Variants in TET3 observed in about 807,000 individuals in gnomAD.
TET3 encodes tet methylcytosine dioxygenase 3, also known as methylcytosine dioxygenase TET3.
In TET3, 19 loss-of-function variants were observed where a neutral mutation model predicts 141.4. The ratio of observed to expected loss-of-function variants is 0.13; its 90% CI spans 0.09 to 0.20. TET3 has a LOEUF of 0.20. Among genes scored for constraint, TET3 ranks in the 10% least tolerant of loss-of-function variants. The probability of loss-of-function intolerance (pLI) is 1.00; values close to 1 mark genes in which losing one functional copy is unlikely to be tolerated. For synonymous variants in TET3, 1,043 were observed against 980.9 expected (o/e 1.06, Z -1.18); for missense variants, 1,874 against 2,356.9 (o/e 0.80, Z 4.24).
intron 4 of TET3, among the ~76,000 whole-genome samples, chr2:74,063,076 G>T (rs1688684749): frequency 6.6e-6 from 1 of 151,814 alleles, no homozygotes; most frequent in African/African-American, 2.4e-5. Context: ...CAGAGATGAG[G>T]TTTCACCATG....
intron 4 of TET3, among the ~76,000 whole-genome samples, chr2:74,067,803 T>C (rs1254891693): frequency 6.6e-6 from 1 of 152,226 alleles, no homozygotes. Flanking sequence ...TTACATGGGA[T>C]ACCGAGTGGT....
the TET3 span, among the ~76,000 whole-genome samples, chr2:74,124,640 C>G: frequency 6.6e-6 from 1 of 152,168 alleles, no homozygotes; most frequent in African/African-American, 2.4e-5. Flanking sequence ...ACCCCGTGCT[C>G]TCTGAAACAT....
Position 74,101,334 on chromosome 2 carries a change from T to G in TET3, c.4546T>G (p.Cys1516Gly). 1 of 1,613,790 alleles carries G rather than the reference T, an allele frequency of 6.2e-7. No individual in the cohort carries two copies. The highest frequency in any genetic ancestry group is 2.2e-5 in the East Asian group (1 of 44,874). Residue 1516 changes from cysteine to glycine, a missense_variant, in exon 12 of 12, where the codon TGC (cysteine) becomes GGC (glycine). Physicochemically the swap from Cys to Gly is radical, Grantham distance 159. Coordinates refer to ENST00000409262, the MANE Select transcript of TET3 (RefSeq NM_001287491.2). This position sits in a 1 kb window ranked among gnomAD's most constrained non-coding sequence, Gnocchi z 8.5. ...GCTGCGAGGCAAACCGTGGAGCCCCTGCAAGTTTGGGAACAGCACCTCGGC... is the reference window on the plus strand; with the variant it reads ...GCTGCGAGGCAAACCGTGGAGCCCCGGCAAGTTTGGGAACAGCACCTCGGC... ...GRLRGKPWSP[C>G]KFGNSTSALA...
chr2:74,110,024 TA>T (rs1270498145), downstream of TET3, among the ~76,000 whole-genome samples: 6 of 152,040 alleles, frequency 3.9e-5, no homozygotes, highest in African/African-American at 1.4e-4. Flanking sequence ...GATATAAGGA[TA>T]AAAAAATTGC....
rs1012120657 is a variant in TET3, at chr2:73,986,423, C to A, written c.20C>A (p.Pro7His). 2 of 1,232,074 alleles carry A rather than the reference C, an allele frequency of 1.6e-6. No homozygotes were observed. Among genetic ancestry groups the A allele is most frequent in the Non-Finnish European group, 2.0e-6 (2 of 988,082 alleles). The allele number at this position is 1,232,074 out of a possible 1,614,324, so 76.3% of individuals were successfully genotyped here. ...AGCATCATGAGCCAGTTTCAGGTGC[C>A]CCTGGCCGTCCAGCCGGACCTGCCA... is the stretch of plus-strand genomic sequence containing the variant. The part of the protein sequence containing the change: MSQFQV[P>H]LAVQPDLPGL... The change falls in exon 2 of 12, where the codon CCC becomes CAC. Residue 7 changes from proline (P) to histidine (H), a missense_variant. By Grantham distance (77) the Pro-to-His change is moderately conservative (BLOSUM62 -2). Transcript: ENST00000409262.
rs1688350760 is a variant in TET3 at position 74,058,877 on chromosome 2, CAGTT to C, written c.2494+10467_2494+10470del. Among the ~76,000 whole-genome samples the C allele has an allele frequency of 2.0e-5, 3 of 152,264 alleles. No homozygotes were observed. The South Asian group carries it at 6.2e-4, about 32-fold the overall frequency. On this transcript the variant is annotated intron_variant, in intron 4 of 11. Transcript: ENST00000409262. The stretch of plus-strand genomic sequence containing the variant: ...TTTTTAAATGGTTGAAAAAAAAAGT[CAGTT>C]GAAGAATAACATTTCACGACTCATG...
chr2:74,003,315 G>C, intron 3 of TET3, 149 bp downstream of exon 3: 3 of 977,258 alleles, frequency 3.1e-6, no homozygotes, highest in South Asian at 1.8e-5. Flanking sequence ...GGGGCGGCGG[G>C]GGTGTGGGCG....
chr2:74,070,500 G>A (rs1338474978), intron 4 of TET3, among the ~76,000 whole-genome samples: 1 of 152,214 alleles, frequency 6.6e-6, no homozygotes, highest in Non-Finnish European at 1.5e-5. Context: ...TGGGGACACA[G>A]CTAGACCATA....
intron 10 of TET3, among the ~76,000 whole-genome samples, chr2:74,095,090 A>G (rs1440325346): frequency 6.6e-6 from 1 of 152,136 alleles, no homozygotes; most frequent in Non-Finnish European, 1.5e-5. Flanking sequence ...TTCTGGGCAG[A>G]CAGGGCTTCC....
At chr2:73,989,720 G>C (rs1172903792) in intron 2 of TET3, among the ~76,000 whole-genome samples, 1 of 152,188 alleles carries the variant, frequency 6.6e-6, no homozygotes, top group African/African-American at 2.4e-5. Context: ...GTTCCAGGAA[G>C]ACTTTAGAGG....
In TET3 at chr2:74,089,951, C is replaced by T; in HGVS notation, c.2943C>T (p.Ser981=). The T allele has an allele frequency of 6.2e-7, 1 of 1,614,084 alleles. No individual in the cohort carries two copies. Among genetic ancestry groups the T allele is most frequent in the Non-Finnish European group, 8.5e-7 (1 of 1,179,906 alleles). Residue 981 remains serine (S), a synonymous_variant, in exon 8 of 12, where the codon TCC becomes TCT. Coordinates refer to ENST00000409262, the MANE Select transcript of TET3 (RefSeq NM_001287491.2). ...KDPNTCGASF[S]FGCSWSMYFN... ...CCAACACCTGTGGTGCCTCCTTCTC[C>T]TTTGGTTGTTCCTGGAGCATGTACT...
Position 73,986,582 on chromosome 2 carries a change from G to A in TET3, c.179G>A (p.Cys60Tyr). The change falls in exon 2 of 12, where the codon TGT becomes TAT. Residue 60 changes from cysteine to tyrosine, a missense_variant. Cys to Tyr is a radical substitution (Grantham distance 194). Coordinates refer to ENST00000409262, the MANE Select transcript of TET3 (RefSeq NM_001287491.2). ...GRKKRKRCGT[C>Y]EPCRRLENCG... ...AAGAAACGGAAACGGTGTGGTACTT[G>A]TGAGCCCTGCCGGCGGCTGGAAAAC... 1 of 1,232,222 alleles carries A rather than the reference G, an allele frequency of 8.1e-7. No individual in the cohort carries two copies. Among genetic ancestry groups the A allele is most frequent in the Non-Finnish European group, 1.0e-6 (1 of 988,020 alleles). The allele number at this position is 1,232,222 out of a possible 1,614,324, so 76.3% of individuals were successfully genotyped here. A position where few individuals can be genotyped will look rare whatever the true frequency, so the allele number is the denominator to read the frequency against.
At chr2:74,077,333 A>G (rs550402701) in intron 5 of TET3, among the ~76,000 whole-genome samples, 7 of 152,322 alleles carry the variant, frequency 4.6e-5, no homozygotes, top group South Asian at 4.1e-4. Context: ...CTGAGAATCT[A>G]TGTTCCATTC....
chr2:74,087,804 G>T lies in TET3; in HGVS notation c.2680-26G>T. 1 of 1,530,716 alleles carries T rather than the reference G, an allele frequency of 6.5e-7. No homozygotes were observed. Among genetic ancestry groups the T allele is most frequent in the South Asian group, 1.2e-5 (1 of 81,464 alleles). The allele number at this position is 1,530,716 out of a possible 1,614,324, so 94.8% of individuals were successfully genotyped here. On this transcript the variant is annotated intron_variant, in intron 6 of 11. Transcript: ENST00000409262. The surrounding 1 kb of genome is among the most constrained non-coding windows in gnomAD (Gnocchi z 4.3). ...AGAGGAGCACGGGTACCTGGCTCCT[G>T]CCCCTCACACCCTGCGTCCCTGCAG...
the TET3 span, among the ~76,000 whole-genome samples, chr2:74,123,462 C>CA: frequency 6.6e-6 from 1 of 152,298 alleles, no homozygotes; most frequent in African/African-American, 2.4e-5. Context: ...ACTAAAAATA[C>CA]AAAAAACTGG....
chr2:74,086,220 C>T (rs1035142302), intron 6 of TET3, among the ~76,000 whole-genome samples: 1 of 152,198 alleles, frequency 6.6e-6, no homozygotes, highest in African/African-American at 2.4e-5. Context: ...AATTATCTGG[C>T]ATTCTCTGGC....
chr2:74,102,395 C>G lies in TET3; in HGVS notation c.*219C>G, dbSNP rs1691275840. ...CTTCCCCAGCACTTTGAAGAAGAAA[C>G]TACGGCTGTCGGGTGATTTTTCCGT... On this transcript the variant is annotated 3_prime_UTR_variant, in exon 12 of 12. Transcript: ENST00000409262. 1 of 582,662 alleles carries G rather than the reference C, an allele frequency of 1.7e-6. No homozygotes were observed. Among genetic ancestry groups the G allele is most frequent in the Non-Finnish European group, 2.5e-6 (1 of 403,650 alleles). 36.1% of individuals were successfully genotyped at this position (582,662 alleles called of 1,614,324 possible).
chr2:74,002,755 G>A (rs888420734), intron 2 of TET3: 1 of 541,576 alleles, frequency 1.8e-6, no homozygotes, highest in Admixed American at 3.5e-5. Context: ...CTCCGGCGGG[G>A]ATAATGGGAG....
intron 3 of TET3, among the ~76,000 whole-genome samples, chr2:74,023,608 G>T (rs1028499971): frequency 2.0e-5 from 3 of 152,190 alleles, no homozygotes; most frequent in African/African-American, 7.2e-5. Flanking sequence ...AGAGACTTTA[G>T]GCTGTGGGAC....
Sources: allele counts gnomAD v4.1 joint callset (sites outside exome capture counted in the v4.1 genomes callset), GRCh38; gene constraint gnomAD v4.1.1; non-coding constraint Gnocchi (gnomAD v3.1); transcripts MANE v1.5; gene names NCBI Gene and HGNC (gene_info 2026-07-23, HGNC 2026-07-21).